The following SEC61A1 variants were observed in gnomAD, a reference collection of about 807,000 sequenced individuals.
The protein encoded by SEC61A1 is SEC61 translocon subunit alpha 1, also known as protein transport protein Sec61 subunit alpha isoform 1.
Under a neutral mutation model 55.2 loss-of-function variants are expected in SEC61A1, and 15 were observed. That is an observed-to-expected ratio of 0.27 (90% CI 0.18 to 0.42). SEC61A1 has a LOEUF of 0.42. SEC61A1 is among the 10% of genes least tolerant of loss of function. SEC61A1 has a pLI of 1.00. For missense variants in SEC61A1, 284 were observed against 602.6 expected, an observed-to-expected ratio of 0.47 and a Z score of 5.53; for synonymous variants, 247 against 234.0, an observed-to-expected ratio of 1.06 and a Z score of -0.51.
chr3:128,068,134 T>C (rs2107652713), intron 11 of SEC61A1, 75 bp downstream of exon 11: 1 of 1,117,238 alleles, frequency 9.0e-7, no homozygotes, highest in South Asian at 1.2e-5. Flanking sequence ...GGCATCCTGA[T>C]AGGCCCTAGC....
At chr3:128,053,017 C>T (rs1005981007) in intron 2 of SEC61A1, 115 bp downstream of exon 2, 6 of 734,594 alleles carry the variant, frequency 8.2e-6, no homozygotes, top group East Asian at 2.7e-5. Context: ...CCCTTCTCTT[C>T]CCTTGGAGTG....
upstream of SEC61A1, chr3:128,052,011 G>A: frequency 1.1e-6 from 1 of 905,996 alleles, no homozygotes; most frequent in Admixed American, 2.0e-5. Flanking sequence ...CTGCTCCAGG[G>A]AGCTTACGGT....
intron 11 of SEC61A1, chr3:128,069,024 G>A (rs1163903902): frequency 6.5e-6 from 1 of 153,158 alleles, no homozygotes; most frequent in Admixed American, 6.5e-5. Flanking sequence ...TAAGCTGCTG[G>A]ATTTACAGCA....
chr3:128,069,602 C>T lies in SEC61A1; in HGVS notation c.1371C>T (p.Tyr457=). 6.2e-7 allele frequency: 1 copy of T among 1,614,152 alleles called. No individual in the cohort carries two copies. The highest frequency in any genetic ancestry group is 8.5e-7 in the Non-Finnish European group (1 of 1,180,034). ...ILLAVTIIYQ[Y]FEIFVKEQSE... ...TCGCAGTCACAATCATCTACCAGTACTTTGAGATCTTCGTTAAGGAGCAAA... is the reference window on the plus strand; with the variant it reads ...TCGCAGTCACAATCATCTACCAGTATTTTGAGATCTTCGTTAAGGAGCAAA... Residue 457 remains tyrosine (Y), a synonymous_variant, in exon 12 of 12, where the codon TAC becomes TAT. Transcript: ENST00000243253.
chr3:128,071,336 C>T lies in SEC61A1; in HGVS notation c.*1674C>T, dbSNP rs1054689150. ...TCTTGAGACCTGATGCCCTCCTACC[C>T]ACATGGTTCTCCCACTGCCCTGTCT... On this transcript the variant is annotated 3_prime_UTR_variant, in exon 12 of 12. Coordinates refer to ENST00000243253, the MANE Select transcript of SEC61A1 (RefSeq NM_013336.4). The T allele has an allele frequency of 2.0e-5, 3 of 152,542 alleles. No individual in the cohort carries two copies. Among genetic ancestry groups the T allele is most frequent in the African/African-American group, 7.2e-5 (3 of 41,466 alleles). 9.4% of individuals were successfully genotyped at this position (152,542 alleles called of 1,614,324 possible). A position where few individuals can be genotyped will look rare whatever the true frequency, so the allele number is the denominator to read the frequency against.
At chr3:128,051,818 G>A, upstream of SEC61A1, 1 of 1,535,458 alleles carries the variant, frequency 6.5e-7, no homozygotes, top group Non-Finnish European at 8.7e-7. Context: ...AGTCTCTCCA[G>A]AAACTCATCC....
chr3:128,051,912 T>C, upstream of SEC61A1: 4 of 1,535,126 alleles, frequency 2.6e-6, no homozygotes, highest in Non-Finnish European at 3.5e-6. Context: ...GGGTGCTCGG[T>C]AAGCCCCACC....
intron 7 of SEC61A1, 43 bp downstream of exon 7, chr3:128,060,704 A>T (rs1324741331): frequency 6.3e-7 from 1 of 1,591,792 alleles, no homozygotes; most frequent in Non-Finnish European, 8.6e-7. Flanking sequence ...CTTTCAGCAA[A>T]AACAATTGAG....
intron 7 of SEC61A1, among the ~76,000 whole-genome samples, chr3:128,062,758 T>A (rs1016462175): frequency 1.3e-5 from 2 of 152,220 alleles, no homozygotes; most frequent in Non-Finnish European, 2.9e-5. Context: ...TTTTCCTAGA[T>A]TCACTTGCTT....
intron 5 of SEC61A1, among the ~76,000 whole-genome samples, chr3:128,058,522 C>T (rs1259074408): frequency 2.6e-5 from 4 of 152,100 alleles, no homozygotes; most frequent in Non-Finnish European, 1.5e-5. Flanking sequence ...CCAAGAAATA[C>T]ATCTATTTAA....
chr3:128,060,828 G>C (rs991380436), intron 7 of SEC61A1, among the ~76,000 whole-genome samples, 167 bp downstream of exon 7: 4 of 152,166 alleles, frequency 2.6e-5, no homozygotes, highest in African/African-American at 9.7e-5. Flanking sequence ...ACACAAATAG[G>C]CTTGTAATTA....
chr3:128,055,888 G>A lies in SEC61A1; in HGVS notation c.220+137G>A. On this transcript the variant is annotated intron_variant, in intron 4 of 11. Transcript: ENST00000243253. ...AGAGTGAAGAATGTTAAAGTGCTGTGTTGAATAGCCTTATTAAATGCTGAG... is the reference window on the plus strand; with the variant it reads ...AGAGTGAAGAATGTTAAAGTGCTGTATTGAATAGCCTTATTAAATGCTGAG... 5.7e-6 allele frequency: 4 copies of A among 703,766 alleles called. No homozygotes were observed. In the South Asian group the frequency reaches 6.9e-5, roughly 12 times the overall value. 43.6% of individuals were successfully genotyped at this position (703,766 alleles called of 1,614,324 possible).
chr3:128,055,372 G>T (rs1393857683), intron 2 of SEC61A1, 144 bp from the exon 3 acceptor site: 1 of 697,464 alleles, frequency 1.4e-6, no homozygotes, highest in African/African-American at 1.8e-5. Flanking sequence ...CTTATGTTTG[G>T]TACATGGTTT....
At chr3:128,052,008 A>G (rs191753131), upstream of SEC61A1, 8 of 933,552 alleles carry the variant, frequency 8.6e-6, no homozygotes, top group African/African-American at 1.1e-4. Flanking sequence ...TCCCTGCTCC[A>G]GGGAGCTTAC....
At position 128,067,019 on chromosome 3, in the gene SEC61A1, C is replaced by T; in HGVS notation, c.843C>T (p.Ile281=). The stretch of plus-strand genomic sequence containing the variant: ...GTGGCCAGTACAACACCTATCCCAT[C>T]AAGCTCTTCTATACGTCCAACATCC... The part of the protein sequence containing the change: ...RYRGQYNTYP[I]KLFYTSNIPI... Residue 281 remains isoleucine (I), a synonymous_variant, in exon 9 of 12, where the codon ATC becomes ATT. Coordinates refer to ENST00000243253, the MANE Select transcript of SEC61A1 (RefSeq NM_013336.4). This position sits in a 1 kb window ranked among gnomAD's most constrained non-coding sequence, Gnocchi z 4.1. The T allele has an allele frequency of 6.2e-7, 1 of 1,614,238 alleles. No homozygotes were observed. The highest frequency in any genetic ancestry group is 8.5e-7 in the Non-Finnish European group (1 of 1,180,036).
At chr3:128,068,118 A>G in intron 11 of SEC61A1, 59 bp downstream of exon 11, 1 of 1,361,840 alleles carries the variant, frequency 7.3e-7, no homozygotes, top group Admixed American at 1.7e-5. Context: ...GTTTCTTTCC[A>G]TGCAGGGCAT....
intron 7 of SEC61A1, among the ~76,000 whole-genome samples, chr3:128,062,540 C>A (rs754016400): frequency 2.0e-5 from 3 of 152,172 alleles, no homozygotes; most frequent in African/African-American, 7.2e-5. Context: ...GACGAAAGAC[C>A]GCCACAGGGT....
At chr3:128,063,808 CTTGT>C (rs1360218569) in intron 7 of SEC61A1, among the ~76,000 whole-genome samples, 1 of 152,174 alleles carries the variant, frequency 6.6e-6, no homozygotes, top group Non-Finnish European at 1.5e-5. Context: ...GAGGTTATCA[CTTGT>C]TTCTTTTTTT....
At position 128,054,136 on chromosome 3, in the gene SEC61A1, G is replaced by A. The variant is rs72974017; in HGVS notation, c.75+1234G>A. On this transcript the variant is annotated intron_variant, in intron 2 of 11. Coordinates refer to ENST00000243253, the MANE Select transcript of SEC61A1 (RefSeq NM_013336.4). ...ACTTTGGAAGAAAAGGAGAGGACTA[G>A]AGTTGGTTTAGAGGCTTTTCACATC... is the stretch of plus-strand genomic sequence containing the variant. Among the ~76,000 whole-genome samples the A allele has an allele frequency of 8.7e-4, 133 of 152,288 alleles. 1 individual carries two copies. The highest frequency in any genetic ancestry group is 3.1e-3 in the African/African-American group (129 of 41,548).
Sources: allele counts gnomAD v4.1 joint callset (sites outside exome capture counted in the v4.1 genomes callset), GRCh38; gene constraint gnomAD v4.1.1; non-coding constraint Gnocchi (gnomAD v3.1); transcripts MANE v1.5; gene names NCBI Gene and HGNC (gene_info 2026-07-23, HGNC 2026-07-21).